RALYL: variants seen among roughly 807,000 people sequenced by gnomAD.
RALYL encodes RNA-binding Raly-like protein.
A neutral mutation model predicts 35.1 loss-of-function variants in RALYL; 29 were observed. The observed-to-expected ratio is 0.83, with a 90% CI of 0.61 to 1.13. The LOEUF (loss-of-function observed/expected upper bound fraction) is 1.13. Among genes scored for constraint, RALYL ranks in the 50% most tolerant of loss-of-function variants. The pLI, the probability that RALYL is intolerant of heterozygous loss-of-function variation, is 0.00. For missense variants in RALYL, 359 were observed against 360.4 expected (o/e 1.00, Z 0.03); for synonymous variants, 120 against 127.6 (o/e 0.94, Z 0.40).
chr8:84,274,160 T>C (rs974587038), intron 1 of RALYL, among the ~76,000 whole-genome samples: 3 of 152,134 alleles, frequency 2.0e-5, no homozygotes, highest in Admixed American at 1.3e-4. Flanking sequence ...TAAAAAACCA[T>C]AGTACTTAAA....
chr8:84,873,606 C>T (rs1307354614), intron 7 of RALYL, among the ~76,000 whole-genome samples: 1 of 151,932 alleles, frequency 6.6e-6, no homozygotes, highest in Non-Finnish European at 1.5e-5. Flanking sequence ...AAGGTTCATA[C>T]TAAAAATAAA....
chr8:84,728,022 A>C (rs900297033), intron 2 of RALYL, among the ~76,000 whole-genome samples: 3 of 151,696 alleles, frequency 2.0e-5, no homozygotes, highest in Admixed American at 6.6e-5. Context: ...TGGTATTTCT[A>C]GTTCTAGATC....
chr8:84,487,076 C>T (rs1273178303), intron 1 of RALYL, among the ~76,000 whole-genome samples: 1 of 152,004 alleles, frequency 6.6e-6, no homozygotes, highest in Non-Finnish European at 1.5e-5. Flanking sequence ...CATGAATTTA[C>T]TCTTGATTGA....
At chr8:84,617,513 A>G (rs961916818) in intron 2 of RALYL, among the ~76,000 whole-genome samples, 211 of 150,568 alleles carry the variant, frequency 1.4e-3, no homozygotes, top group Non-Finnish European at 2.7e-3. Context: ...GGGGTTTTCT[A>G]GGTATACAAT....
intron 1 of RALYL, among the ~76,000 whole-genome samples, chr8:84,449,165 T>C (rs2049181193): frequency 6.6e-6 from 1 of 151,884 alleles, no homozygotes; most frequent in African/African-American, 2.4e-5. Flanking sequence ...AACATAAGTT[T>C]GGGTCACCTA....
chr8:84,326,077 A>T (rs180729848), intron 1 of RALYL, among the ~76,000 whole-genome samples: 3,844 of 152,202 alleles, frequency 0.025, 154 homozygotes, highest in African/African-American at 0.087. Context: ...CTGCCACTGT[A>T]CTCCAGCCTG....
At chr8:84,314,034 G>A (rs1367981276) in intron 1 of RALYL, among the ~76,000 whole-genome samples, 2 of 152,166 alleles carry the variant, frequency 1.3e-5, no homozygotes, top group Admixed American at 6.5e-5. Context: ...CTGCATGGCT[G>A]GGGGAGGGCT....
chr8:84,837,364 G>A (rs1586661967), intron 4 of RALYL, among the ~76,000 whole-genome samples: 1 of 152,268 alleles, frequency 6.6e-6, no homozygotes, highest in South Asian at 2.1e-4. Context: ...GGCTCTAGTA[G>A]TAGTTATTAT....
At chr8:84,920,847 A>G (rs1057429621) in intron 8 of RALYL, 47 bp from the exon 9 acceptor site, 11 of 957,602 alleles carry the variant, frequency 1.1e-5, no homozygotes, top group Non-Finnish European at 1.5e-5. Flanking sequence ...GCTATCAACA[A>G]TAAAACACAA....
intron 3 of RALYL, among the ~76,000 whole-genome samples, chr8:84,795,683 T>G (rs751442678): frequency 2.0e-5 from 3 of 152,208 alleles, no homozygotes; most frequent in Non-Finnish European, 4.4e-5. Context: ...CATAATGCTT[T>G]TCATTTTTCT....
intron 1 of RALYL, among the ~76,000 whole-genome samples, chr8:84,378,255 C>T (rs1857306905): frequency 6.6e-6 from 1 of 151,880 alleles, no homozygotes; most frequent in Admixed American, 6.6e-5. Context: ...CCATTTGGAG[C>T]TATCTCTGGT....
At chr8:84,426,939 A>T (rs555873648) in intron 1 of RALYL, among the ~76,000 whole-genome samples, 19 of 152,290 alleles carry the variant, frequency 1.2e-4, no homozygotes, top group Admixed American at 2.0e-4. Flanking sequence ...ATATGATCTT[A>T]TGGGCACATA....
chr8:84,798,263 A>G (rs773678158), intron 3 of RALYL, among the ~76,000 whole-genome samples: 6 of 151,856 alleles, frequency 4.0e-5, no homozygotes, highest in Admixed American at 6.6e-5. Flanking sequence ...CTATTCCCCA[A>G]CCTGAACTCT....
intron 1 of RALYL, among the ~76,000 whole-genome samples, chr8:84,519,517 G>A (rs557508471): frequency 6.6e-6 from 1 of 152,280 alleles, no homozygotes; most frequent in South Asian, 2.1e-4. Flanking sequence ...CCAGATCCCA[G>A]AGGAAACAAA....
chr8:84,517,960 A>T (rs1034605519), intron 1 of RALYL, among the ~76,000 whole-genome samples: 3 of 152,164 alleles, frequency 2.0e-5, no homozygotes, highest in Non-Finnish European at 4.4e-5. Flanking sequence ...TACTCAGCTA[A>T]AAAGAAGTAG....
At chr8:84,783,353 C>T (rs1818641623) in intron 3 of RALYL, among the ~76,000 whole-genome samples, 1 of 152,144 alleles carries the variant, frequency 6.6e-6, no homozygotes, top group Admixed American at 6.5e-5. Context: ...ATGTGGTGCA[C>T]ATCACAGGCA....
At chr8:84,574,428 C>T (rs1447054285) in intron 2 of RALYL, among the ~76,000 whole-genome samples, 1 of 152,026 alleles carries the variant, frequency 6.6e-6, no homozygotes, top group Non-Finnish European at 1.5e-5. Flanking sequence ...ATTTTTGGAT[C>T]TCTTTTTCCA....
intron 3 of RALYL, among the ~76,000 whole-genome samples, chr8:84,795,726 A>G (rs1038900328): frequency 5.3e-5 from 8 of 152,170 alleles, no homozygotes; most frequent in Admixed American, 5.2e-4. Flanking sequence ...GGTTAATTAC[A>G]GGCCCTTACA....
In RALYL at chr8:84,349,378, A is replaced by C. The variant is rs573015331; in HGVS notation, c.-24+164954A>C. Among the ~76,000 whole-genome samples, 18 of 150,508 alleles carry C rather than the reference A, an allele frequency of 1.2e-4. 1 individual carries two copies. The highest frequency in any genetic ancestry group is 1.1e-3 in the Admixed American group (16 of 15,174). ...TTCACGTAGATTATACCCAGTTCTC[A>C]CAGGAACATTAGGTATTACAGTTTA... On this transcript the variant is annotated intron_variant, in intron 1 of 8. Transcript: ENST00000521268.
Sources: allele counts gnomAD v4.1 joint callset (sites outside exome capture counted in the v4.1 genomes callset), GRCh38; gene constraint gnomAD v4.1.1; transcripts MANE v1.5; gene names NCBI Gene and HGNC (gene_info 2026-07-23, HGNC 2026-07-21).